Variants in MUC5B observed in about 807,000 individuals in gnomAD.
MUC5B encodes the protein mucin-5B.
Under a neutral mutation model 376.9 loss-of-function variants are expected in MUC5B, and 116 were observed. The observed-to-expected ratio is 0.31, with a 90% CI of 0.26 to 0.36. The LOEUF (loss-of-function observed/expected upper bound fraction) is 0.36. Ranked by LOEUF, MUC5B falls within the 10% of genes least tolerant of loss-of-function variation. MUC5B has a pLI of 1.00. For missense variants in MUC5B, 7,165 were observed against 7,769.9 expected (o/e 0.92, Z 2.93); for synonymous variants, 3,517 against 3,390.9 (o/e 1.04, Z -1.29).
At chr11:1,240,669 T>C (rs935978066) in intron 30 of MUC5B, among the ~76,000 whole-genome samples, 182 bp from the exon 31 acceptor site, 2 of 152,202 alleles carry the variant, frequency 1.3e-5, no homozygotes, top group African/African-American at 2.4e-5. Flanking sequence ...AAGGCCAGGC[T>C]GCCAGGCCCC....
rs770919820 is a variant in MUC5B at position 1,245,211 on chromosome 11, C to G, written c.8331C>G (p.Gly2777=). The change falls in exon 31 of 49, where the codon GGC becomes GGG. Residue 2777 remains glycine, a synonymous_variant. Coordinates refer to ENST00000529681, the MANE Select transcript of MUC5B (RefSeq NM_002458.3). The part of the protein sequence containing the change: ...VRTAWTSATS[G]TLGTTHITEP... ...CAGCCTGGACTTCGGCCACCTCAGG[C>G]ACCTTGGGCACCACCCACATCACAG... 2 of 1,593,258 alleles carry G rather than the reference C, an allele frequency of 1.3e-6. No individual in the cohort carries two copies. The highest frequency in any genetic ancestry group is 1.7e-6 in the Non-Finnish European group (2 of 1,170,572).
rs754271876 is a variant in MUC5B at position 1,258,197 on chromosome 11, C to T, written c.16549C>T (p.Arg5517Cys). The T allele has an allele frequency of 1.3e-5, 20 of 1,593,500 alleles. No individual in the cohort carries two copies. The highest frequency in any genetic ancestry group is 1.3e-5 in the African/African-American group (1 of 74,572). Residue 5517 changes from arginine to cysteine, a missense_variant, in exon 42 of 49, where the codon CGC becomes TGC. By Grantham distance (180) the Arg-to-Cys change is radical. Transcript: ENST00000529681. This position sits in a 1 kb window ranked among gnomAD's most constrained non-coding sequence, Gnocchi z 5.5. Reference sequence around the variant, plus strand: ...GGAGGGCGACTGCTGTCCCACCTTCCGCTGCAGTGAGCGGGGCTGGGGCCG... The same window carrying T: ...GGAGGGCGACTGCTGTCCCACCTTCTGCTGCAGTGAGCGGGGCTGGGGCCG... ...QEEGDCCPTF[R>C]CRPQLCSYNG...
rs1226118561 is a variant in MUC5B, at chr11:1,250,819, C to T, written c.13939C>T (p.His4647Tyr). ...CCCCTCCTCCATCCCGGGGACCACC[C>T]ACACCGCCAGAGTGCTGACCACCAC... ...VTPSSIPGTT[H>Y]TARVLTTTTT... Residue 4647 changes from histidine (H) to tyrosine (Y), a missense_variant, in exon 31 of 49, where the codon CAC becomes TAC. Coordinates refer to ENST00000529681, the MANE Select transcript of MUC5B (RefSeq NM_002458.3). 3.1e-6 allele frequency: 5 copies of T among 1,613,298 alleles called. No individual in the cohort carries two copies. The highest frequency in any genetic ancestry group is 4.2e-6 in the Non-Finnish European group (5 of 1,179,622).
At chr11:1,225,181 G>A (rs1861852237) in intron 1 of MUC5B, among the ~76,000 whole-genome samples, 1 of 152,270 alleles carries the variant, frequency 6.6e-6, no homozygotes, top group African/African-American at 2.4e-5. Context: ...AACTGGTTCT[G>A]TGTTTAGGTT....
Position 1,244,795 on chromosome 11 carries a change from A to G in MUC5B, c.7915A>G (p.Thr2639Ala). 4.3e-6 allele frequency: 7 copies of G among 1,613,188 alleles called. No individual in the cohort carries two copies. The highest frequency in any genetic ancestry group is 5.9e-6 in the Non-Finnish European group (7 of 1,179,608). ...TLPVWISTTT[T>A]PTTRGSTVTP... ...TCCAGTGTGGATCAGCACAACCACC[A>G]CACCCACAACCAGAGGTTCCACGGT... is the stretch of plus-strand genomic sequence containing the variant. Residue 2639 changes from threonine to alanine, a missense_variant, in exon 31 of 49, where the codon ACA (threonine) becomes GCA (alanine). By Grantham distance (58) the Thr-to-Ala change is moderately conservative. Around this residue, in one of 31 missense-constraint regions of MUC5B, gnomAD observed 141 missense variants for 111.2 expected, o/e 1.27. Transcript: ENST00000529681.
Position 1,253,970 on chromosome 11 carries a change from GC to G in MUC5B, c.15218-118del. 1.5e-6 allele frequency: 2 copies of G among 1,376,994 alleles called. No individual in the cohort carries two copies. Among genetic ancestry groups the G allele is most frequent in the Non-Finnish European group, 2.0e-6 (2 of 1,023,144 alleles). 85.3% of individuals were successfully genotyped at this position (1,376,994 alleles called of 1,614,324 possible). A position where few individuals can be genotyped will look rare whatever the true frequency, so the allele number is the denominator to read the frequency against. ...CATTTTTATAGACGAGGCAGCTGAG[GC>G]CCCAGGGGCTTCAGTGGCTCCCCAA... is the stretch of plus-strand genomic sequence containing the variant. On this transcript the variant is annotated intron_variant, in intron 33 of 48. Coordinates refer to ENST00000529681, the MANE Select transcript of MUC5B (RefSeq NM_002458.3). This position sits in a 1 kb window ranked among gnomAD's most constrained non-coding sequence, Gnocchi z 4.3.
intron 23 of MUC5B, 83 bp from the exon 24 acceptor site, chr11:1,236,303 C>A: frequency 7.1e-7 from 1 of 1,407,842 alleles, no homozygotes; most frequent in Non-Finnish European, 9.6e-7. Flanking sequence ...ACCTGCAGAG[C>A]ACTGGGTGGG....
rs1862752790 is a variant in MUC5B at position 1,253,297 on chromosome 11, A to G, written c.15217+317A>G. 6.6e-6 allele frequency among the ~76,000 whole-genome samples: 1 copy of G among 152,156 alleles called. No homozygotes were observed. The highest frequency in any genetic ancestry group is 2.4e-5 in the African/African-American group (1 of 41,424). Reference sequence around the variant, plus strand: ...GGGCTGAAAATGCTGACACAGCCCAAGGGAGAGGCAGCAGAGGCTGGTTTG... The same window carrying G: ...GGGCTGAAAATGCTGACACAGCCCAGGGGAGAGGCAGCAGAGGCTGGTTTG... On this transcript the variant is annotated intron_variant, in intron 33 of 48. Coordinates refer to ENST00000529681, the MANE Select transcript of MUC5B (RefSeq NM_002458.3). The surrounding 1 kb of genome is among the most constrained non-coding windows in gnomAD (Gnocchi z 4.3).
rs751829746 is a variant in MUC5B at position 1,250,821 on chromosome 11, C to A, written c.13941C>A (p.His4647Gln). The change falls in exon 31 of 49, where the codon CAC becomes CAA. Residue 4647 changes from histidine to glutamine, a missense_variant. This residue lies in a region of MUC5B where 730 missense variants were observed against 592.7 expected (regional missense o/e 1.23). Transcript: ENST00000529681. Reference protein sequence around the residue: ...VTPSSIPGTTHTARVLTTTTT... With the variant: ...VTPSSIPGTTQTARVLTTTTT... ...CCTCCTCCATCCCGGGGACCACCCA[C>A]ACCGCCAGAGTGCTGACCACCACCA... 6.2e-7 allele frequency: 1 copy of A among 1,613,238 alleles called. No individual in the cohort carries two copies. Among genetic ancestry groups the A allele is most frequent in the African/African-American group, 1.3e-5 (1 of 74,842 alleles).
At position 1,254,848 on chromosome 11, in the gene MUC5B, G is replaced by A; in HGVS notation, c.15632G>A (p.Ser5211Asn). ...GQVFQARLPY[S>N]LFHNNTEGQC... ...GTCTTCCAGGCCCGGCTGCCCTACA[G>A]CCTCTTCCACAACAACACCGAGGGC... is the stretch of plus-strand genomic sequence containing the variant. Residue 5211 changes from serine (S) to asparagine (N), a missense_variant, in exon 35 of 49, where the codon AGC (serine) becomes AAC (asparagine). Physicochemically the swap from Ser to Asn is conservative, Grantham distance 46 (BLOSUM62 1). Around this residue, in one of 31 missense-constraint regions of MUC5B, gnomAD observed 842 missense variants for 1,016.9 expected, o/e 0.83. Coordinates refer to ENST00000529681, the MANE Select transcript of MUC5B (RefSeq NM_002458.3). The A allele has an allele frequency of 6.2e-7, 1 of 1,612,184 alleles. No individual in the cohort carries two copies. Among genetic ancestry groups the A allele is most frequent in the Non-Finnish European group, 8.5e-7 (1 of 1,179,766 alleles).
At chr11:1,228,952 GAGA>G (rs923863987) in intron 8 of MUC5B, among the ~76,000 whole-genome samples, 187 bp downstream of exon 8, 6 of 152,008 alleles carry the variant, frequency 3.9e-5, no homozygotes, top group Admixed American at 3.9e-4. Flanking sequence ...GGGGCTGCAG[GAGA>G]AGGAGAGGCT....
Position 1,234,729 on chromosome 11 carries a change from G to A in MUC5B, c.2630+49G>A. ...CAGCAGGTGGGGAGGGCGGGGGCGG[G>A]GAGGGCAGCGGGTGGGGAGGCAGCG... On this transcript the variant is annotated intron_variant, in intron 21 of 48. Transcript: ENST00000529681. This position sits in a 1 kb window ranked among gnomAD's most constrained non-coding sequence, Gnocchi z 6.3. The A allele has an allele frequency of 5.5e-6, 4 of 722,196 alleles. No individual in the cohort carries two copies. The highest frequency in any genetic ancestry group is 3.0e-5 in the East Asian group (1 of 32,908). 44.7% of individuals were successfully genotyped at this position (722,196 alleles called of 1,614,324 possible).
At chr11:1,252,052 C>T (rs887142677) in intron 31 of MUC5B, among the ~76,000 whole-genome samples, 2 of 152,070 alleles carry the variant, frequency 1.3e-5, no homozygotes, top group Non-Finnish European at 2.9e-5. Context: ...CACACTGGGT[C>T]TCCTCTGGCC....
rs992211190 is a variant in MUC5B at position 1,252,754 on chromosome 11, G to A, written c.15046-55G>A. On this transcript the variant is annotated intron_variant, in intron 32 of 48. Transcript: ENST00000529681. ...TGGGCCATGAGGGGTGGGATGAGCC[G>A]TGGATGGGTCCCGTGAGCTGGTCCA... The A allele has an allele frequency of 5.0e-5, 77 of 1,540,526 alleles. 1 individual carries two copies. In the South Asian group the frequency reaches 6.3e-4, roughly 13 times the overall value.
Position 1,250,182 on chromosome 11 carries a change from T to G in MUC5B, c.13302T>G (p.Thr4434=), listed in dbSNP as rs1226817188. 3 of 1,583,220 alleles carry G rather than the reference T, an allele frequency of 1.9e-6. No individual in the cohort carries two copies. The highest frequency in any genetic ancestry group is 2.6e-6 in the Non-Finnish European group (3 of 1,158,672). The change falls in exon 31 of 49, where the codon ACT becomes ACG. Residue 4434 remains threonine, a synonymous_variant. Coordinates refer to ENST00000529681, the MANE Select transcript of MUC5B (RefSeq NM_002458.3). ...CAACAGCCACTACGACTGCGTCCAC[T>G]GGATCCACGGCCACCCCGTCCTCCA... is the stretch of plus-strand genomic sequence containing the variant. ...LTTTATTTAS[T]GSTATPSSTP... is the part of the protein sequence containing the mutation.
intron 32 of MUC5B, 102 bp downstream of exon 32, chr11:1,252,626 C>T: frequency 7.2e-7 from 1 of 1,385,790 alleles, no homozygotes; most frequent in Non-Finnish European, 9.6e-7. Context: ...CTCAGTGACC[C>T]CGCCGCCAGT....
chr11:1,225,387 G>A (rs371056657), intron 1 of MUC5B, among the ~76,000 whole-genome samples: 2 of 152,256 alleles, frequency 1.3e-5, no homozygotes, highest in Admixed American at 6.5e-5. Context: ...AGGGCAGGCC[G>A]TGCTGGGGGC....
In MUC5B at chr11:1,233,248, G is replaced by A. The variant is rs2133813753; in HGVS notation, c.2301G>A (p.Val767=). 1 of 1,579,372 alleles carries A rather than the reference G, an allele frequency of 6.3e-7. No individual in the cohort carries two copies. ...HGTVLAPGEV[V]HDEGAVCSCT... ...CCGTGCTGGCTCCTGGAGAGGTGGT[G>A]CACGACGAGGGCGCCGTGTGGTAAG... The change falls in exon 18 of 49, where the codon GTG becomes GTA. Residue 767 remains valine (V), a synonymous_variant. Coordinates refer to ENST00000529681, the MANE Select transcript of MUC5B (RefSeq NM_002458.3).
chr11:1,233,918 C>T lies in MUC5B; in HGVS notation c.2377+70C>T, dbSNP rs56353054. The T allele has an allele frequency of 3.4e-4, 497 of 1,455,758 alleles. 2 individuals carry two copies. The highest frequency in any genetic ancestry group is 2.8e-3 in the Middle Eastern group (12 of 4,228). 90.2% of individuals were successfully genotyped at this position (1,455,758 alleles called of 1,614,324 possible). A position where few individuals can be genotyped will look rare whatever the true frequency, so the allele number is the denominator to read the frequency against. On this transcript the variant is annotated intron_variant, in intron 19 of 48. Coordinates refer to ENST00000529681, the MANE Select transcript of MUC5B (RefSeq NM_002458.3). ...CACCCCGCCTGGCCTGGCCCCAACA[C>T]GCCCCACCCTGCCCCACCCCACCTG...
Sources: allele counts gnomAD v4.1 joint callset (sites outside exome capture counted in the v4.1 genomes callset), GRCh38; gene constraint gnomAD v4.1.1; regional missense constraint gnomAD v4.1.1; non-coding constraint Gnocchi (gnomAD v3.1); transcripts MANE v1.5; gene names NCBI Gene and HGNC (gene_info 2026-07-23, HGNC 2026-07-21).